The following GABRG3 variants were observed in gnomAD, a reference collection of about 807,000 sequenced individuals.
The protein encoded by GABRG3 is gamma-aminobutyric acid receptor subunit gamma-3.
GABRG3 carries 25 observed loss-of-function variants against 48.8 expected under a neutral mutation model. The observed-to-expected ratio is 0.51, with a 90% CI of 0.37 to 0.72. GABRG3 has a LOEUF of 0.72. Ranked by LOEUF, GABRG3 falls within the 30% of genes least tolerant of loss-of-function variation. The pLI, the probability that GABRG3 is intolerant of heterozygous loss-of-function variation, is 0.00. For synonymous variants in GABRG3, 227 were observed against 217.6 expected, an observed-to-expected ratio of 1.04 and a Z score of -0.38; for missense variants, 394 against 577.9, an observed-to-expected ratio of 0.68 and a Z score of 3.26.
intron 3 of GABRG3, among the ~76,000 whole-genome samples, chr15:27,240,288 G>T (rs1890095198): frequency 6.6e-6 from 1 of 152,142 alleles, no homozygotes; most frequent in Non-Finnish European, 1.5e-5. Flanking sequence ...GCAGAGTTGG[G>T]GTACACACGT....
chr15:27,255,551 A>G (rs1890585831), intron 3 of GABRG3, among the ~76,000 whole-genome samples: 1 of 152,040 alleles, frequency 6.6e-6, no homozygotes, highest in Non-Finnish European at 1.5e-5. Context: ...CCTTTTACCG[A>G]TATCTTTTCA....
intron 5 of GABRG3, among the ~76,000 whole-genome samples, chr15:27,452,518 C>T (rs1444557000): frequency 6.6e-6 from 1 of 152,178 alleles, no homozygotes; most frequent in Non-Finnish European, 1.5e-5. Context: ...CAAAAACAGT[C>T]AATTAACACA....
At chr15:27,516,719 G>T (rs942270230) in intron 6 of GABRG3, among the ~76,000 whole-genome samples, 1 of 152,160 alleles carries the variant, frequency 6.6e-6, no homozygotes, top group Admixed American at 6.5e-5. Flanking sequence ...GGAACTACCA[G>T]ATATGGAACT....
rs539945534 is a variant in GABRG3, at chr15:27,102,787, G to A, written c.270+75966G>A. ...TTAATAACCACTAAATGTCATGTGT[G>A]GTTGTTAATATCTTATTTACCGACA... On this transcript the variant is annotated intron_variant, in intron 3 of 9. Coordinates refer to ENST00000615808, the MANE Select transcript of GABRG3 (RefSeq NM_033223.5). 1.7e-4 allele frequency among the ~76,000 whole-genome samples: 26 copies of A among 152,162 alleles called. No homozygotes were observed. The South Asian group carries it at 5.0e-3, about 29-fold the overall frequency.
At chr15:27,108,498 C>A (rs539540535) in intron 3 of GABRG3, among the ~76,000 whole-genome samples, 2 of 152,168 alleles carry the variant, frequency 1.3e-5, no homozygotes, top group South Asian at 4.1e-4. Context: ...TGGTCTAGTG[C>A]ATGGTCTATG....
intron 3 of GABRG3, among the ~76,000 whole-genome samples, chr15:27,252,846 A>G (rs75004472): frequency 0.047 from 7,126 of 152,280 alleles, 539 homozygotes; most frequent in African/African-American, 0.15. Context: ...CACACTGTCT[A>G]GTGATTTAAA....
intron 3 of GABRG3, among the ~76,000 whole-genome samples, chr15:27,300,596 G>A (rs1274642429): frequency 6.7e-6 from 1 of 148,286 alleles, no homozygotes; most frequent in Non-Finnish European, 1.5e-5. Flanking sequence ...GTTGGAAGTT[G>A]CAATGAGCCG....
chr15:27,072,748 G>A (rs1458918194), intron 3 of GABRG3, among the ~76,000 whole-genome samples: 1 of 152,184 alleles, frequency 6.6e-6, no homozygotes, highest in Non-Finnish European at 1.5e-5. Flanking sequence ...GGAGGAAGGG[G>A]GGTTTGCCAG....
chr15:27,197,284 A>G (rs1392511450), intron 3 of GABRG3, among the ~76,000 whole-genome samples: 2 of 152,186 alleles, frequency 1.3e-5, no homozygotes, highest in Non-Finnish European at 2.9e-5. Flanking sequence ...AGACTGAAAT[A>G]TACTTTTCAT....
At chr15:27,118,567 CT>C (rs748096244) in intron 3 of GABRG3, among the ~76,000 whole-genome samples, 2 of 152,194 alleles carry the variant, frequency 1.3e-5, no homozygotes. Flanking sequence ...CACCCAGTGC[CT>C]TAAGAGTTCC....
chr15:27,317,478 G>C (rs1249169798), intron 3 of GABRG3, among the ~76,000 whole-genome samples: 2 of 152,148 alleles, frequency 1.3e-5, no homozygotes, highest in Non-Finnish European at 1.5e-5. Context: ...TTCTTCATCA[G>C]CCAGACTCAG....
chr15:26,972,363 A>T (rs1894863779), intron 1 of GABRG3, among the ~76,000 whole-genome samples: 2 of 152,204 alleles, frequency 1.3e-5, no homozygotes, highest in African/African-American at 4.8e-5. Context: ...GCGCATGAGG[A>T]TACAAGGACA....
At chr15:27,356,213 A>G (rs575176653) in intron 5 of GABRG3, among the ~76,000 whole-genome samples, 1 of 152,276 alleles carries the variant, frequency 6.6e-6, no homozygotes. Context: ...TTCCATGATA[A>G]TTTCAAAAAA....
chr15:26,978,868 A>G (rs147141159), intron 2 of GABRG3, among the ~76,000 whole-genome samples: 237 of 152,336 alleles, frequency 1.6e-3, no homozygotes, highest in African/African-American at 5.3e-3. Context: ...AACTACAGAA[A>G]AATCCTGCTG....
chr15:27,461,450 G>A (rs1291094400), intron 5 of GABRG3, among the ~76,000 whole-genome samples: 1 of 152,090 alleles, frequency 6.6e-6, no homozygotes, highest in African/African-American at 2.4e-5. Context: ...CGGACCCTCG[G>A]GTGAGTGTTA....
At chr15:27,032,220 T>C (rs779965864) in intron 3 of GABRG3, among the ~76,000 whole-genome samples, 1 of 152,240 alleles carries the variant, frequency 6.6e-6, no homozygotes, top group Non-Finnish European at 1.5e-5. Flanking sequence ...AAATTTTAAT[T>C]TGATTCTTTC....
At chr15:27,291,945 T>G (rs1335686201) in intron 3 of GABRG3, among the ~76,000 whole-genome samples, 1 of 152,176 alleles carries the variant, frequency 6.6e-6, no homozygotes, top group African/African-American at 2.4e-5. Flanking sequence ...TTGGGACATT[T>G]GTATGCAAGG....
intron 5 of GABRG3, among the ~76,000 whole-genome samples, chr15:27,401,665 C>G (rs1331734521): frequency 6.6e-6 from 1 of 152,168 alleles, no homozygotes; most frequent in Non-Finnish European, 1.5e-5. Context: ...TTCTTCCATG[C>G]TCTCGCGACC....
chr15:27,049,728 C>T (rs1383625809), intron 3 of GABRG3, among the ~76,000 whole-genome samples: 1 of 152,204 alleles, frequency 6.6e-6, no homozygotes, highest in Admixed American at 6.5e-5. Context: ...TGCAATAGCT[C>T]ATAGTTAACT....
Sources: gnomAD v4.1 joint callset for allele counts (sites outside exome capture counted in the v4.1 genomes callset) on GRCh38, gnomAD v4.1.1 for gene constraint, MANE v1.5 for transcripts, NCBI Gene and HGNC (gene_info 2026-07-23, HGNC 2026-07-21) for gene names.